Variants in WDPCP observed in about 807,000 individuals in gnomAD.
The protein encoded by WDPCP is WD repeat-containing and planar cell polarity effector protein fritz homolog.
WDPCP carries 71 observed loss-of-function variants against 93.1 expected under a neutral mutation model. That is an observed-to-expected ratio of 0.76 (90% CI 0.63 to 0.93). The LOEUF (loss-of-function observed/expected upper bound fraction) is 0.93, where lower values mean the gene tolerates loss of function less well. Among genes scored for constraint, WDPCP ranks in the 40% least tolerant of loss-of-function variants. The probability of loss-of-function intolerance (pLI) is 0.00; values close to 1 mark genes in which losing one functional copy is unlikely to be tolerated. For synonymous variants in WDPCP, 315 were observed against 315.0 expected, an observed-to-expected ratio of 1.00 and a Z score of 0.00; for missense variants, 844 against 887.4, an observed-to-expected ratio of 0.95 and a Z score of 0.62.
At chr2:63,275,975 C>T (rs1467490401) in intron 13 of WDPCP, among the ~76,000 whole-genome samples, 2 of 152,182 alleles carry the variant, frequency 1.3e-5, no homozygotes, top group African/African-American at 4.8e-5. Context: ...AACTTGATCA[C>T]CCTGCAGGCT....
At chr2:63,428,424 G>A (rs1194922337) in intron 9 of WDPCP, among the ~76,000 whole-genome samples, 1 of 152,194 alleles carries the variant, frequency 6.6e-6, no homozygotes, top group Non-Finnish European at 1.5e-5. Flanking sequence ...TGCAAGGTTG[G>A]TTCAACATAC....
intron 2 of WDPCP, among the ~76,000 whole-genome samples, chr2:63,786,700 C>T (rs1396621930): frequency 6.6e-6 from 1 of 152,156 alleles, no homozygotes; most frequent in Non-Finnish European, 1.5e-5. Context: ...GTAATACAGA[C>T]ATACGTAAAG....
chr2:63,434,865 T>C (rs1251767161), intron 8 of WDPCP, among the ~76,000 whole-genome samples: 1 of 152,130 alleles, frequency 6.6e-6, no homozygotes, highest in East Asian at 1.9e-4. Flanking sequence ...AATGCGATAA[T>C]GCCAGAGTGC....
chr2:63,539,852 G>A (rs1704579918), intron 1 of WDPCP, among the ~76,000 whole-genome samples: 1 of 152,090 alleles, frequency 6.6e-6, no homozygotes, highest in African/African-American at 2.4e-5. Flanking sequence ...TAGATAGATG[G>A]ATGAGTAGAT....
At chr2:63,308,221 T>A (rs570562720) in intron 13 of WDPCP, among the ~76,000 whole-genome samples, 2 of 152,210 alleles carry the variant, frequency 1.3e-5, no homozygotes, top group East Asian at 3.9e-4. Context: ...GTTAGAATGG[T>A]GATCATTAAA....
In WDPCP at chr2:63,437,713, T is replaced by C. The variant is rs1282932538; in HGVS notation, c.500-159A>G. The C allele has an allele frequency of 3.1e-5, 31 of 1,013,138 alleles. No homozygotes were observed. In the Middle Eastern group the frequency reaches 1.3e-3, roughly 43 times the overall value. The allele number at this position is 1,013,138 out of a possible 1,614,324, so 62.8% of individuals were successfully genotyped here. ...GCATTTTATAAAAATATTAAAGATA[T>C]TAGGAATAAACAATAATTGTCAATC... On this transcript the variant is annotated intron_variant, in intron 7 of 17. Coordinates refer to ENST00000272321, the MANE Select transcript of WDPCP (RefSeq NM_015910.7).
At chr2:63,332,045 G>A (rs1433513581) in intron 12 of WDPCP, among the ~76,000 whole-genome samples, 2 of 151,326 alleles carry the variant, frequency 1.3e-5, no homozygotes, top group African/African-American at 4.9e-5. Flanking sequence ...ATAAGTTCTT[G>A]TGTGGAGATG....
chr2:63,775,867 G>A (rs1670294273), intron 2 of WDPCP, among the ~76,000 whole-genome samples: 3 of 152,144 alleles, frequency 2.0e-5, no homozygotes, highest in African/African-American at 7.2e-5. Context: ...CTTACTGAAT[G>A]AGGATCTTAA....
chr2:63,811,297 T>C (rs1670859395), intron 2 of WDPCP, among the ~76,000 whole-genome samples: 1 of 152,218 alleles, frequency 6.6e-6, no homozygotes, highest in Non-Finnish European at 1.5e-5. Flanking sequence ...GCAAAGGTGA[T>C]GGGATGTCAC....
In WDPCP at chr2:63,174,857, G is replaced by A. The variant is rs1175251731; in HGVS notation, c.1916-25C>T. ...TCTGTTGAAAATGATTAATATGTGA[G>A]TGAAATACTAAGTACAATTTCTGCT... On this transcript the variant is annotated intron_variant, in intron 14 of 17. Transcript: ENST00000272321. 3 of 1,609,286 alleles carry A rather than the reference G, an allele frequency of 1.9e-6. No individual in the cohort carries two copies. The East Asian group carries it at 6.7e-5, about 36-fold the overall frequency.
intron 1 of WDPCP, among the ~76,000 whole-genome samples, chr2:63,508,146 G>C (rs1702000671): frequency 1.3e-5 from 2 of 152,078 alleles, no homozygotes; most frequent in South Asian, 4.1e-4. Context: ...GATTCACCAA[G>C]GTTGAAATGA....
At chr2:63,676,587 C>T (rs72806087) in intron 2 of WDPCP, among the ~76,000 whole-genome samples, 3,808 of 152,130 alleles carry the variant, frequency 0.025, 147 homozygotes, top group East Asian at 0.088. Flanking sequence ...AAAAAGGATA[C>T]ATATTACATG....
chr2:63,748,082 T>C (rs550901129), intron 2 of WDPCP, among the ~76,000 whole-genome samples: 35 of 151,760 alleles, frequency 2.3e-4, no homozygotes, highest in African/African-American at 8.2e-4. Flanking sequence ...AGAAATGAAA[T>C]AGAGTTTTAT....
At chr2:63,527,732 C>T (rs1703459239) in intron 1 of WDPCP, among the ~76,000 whole-genome samples, 2 of 151,928 alleles carry the variant, frequency 1.3e-5, no homozygotes, top group Non-Finnish European at 2.9e-5. Flanking sequence ...TGGGTATATG[C>T]CCAGTAATGG....
At chr2:63,431,262 A>T (rs530541884) in intron 9 of WDPCP, among the ~76,000 whole-genome samples, 1 of 152,132 alleles carries the variant, frequency 6.6e-6, no homozygotes, top group African/African-American at 2.4e-5. Context: ...CCCTCCAGAG[A>T]TTCTGATGTA....
intron 17 of WDPCP, among the ~76,000 whole-genome samples, chr2:63,147,979 A>C (rs557916778): frequency 7.9e-5 from 12 of 151,984 alleles, no homozygotes; most frequent in South Asian, 6.2e-4. Context: ...AAAAAAAAAA[A>C]AAAAAAAAAC....
At chr2:63,149,218 G>C (rs1024443933) in intron 17 of WDPCP, among the ~76,000 whole-genome samples, 2 of 152,064 alleles carry the variant, frequency 1.3e-5, no homozygotes, top group Admixed American at 1.3e-4. Flanking sequence ...ATAGGAATAG[G>C]CATTTCAAGG....
At chr2:63,424,973 C>T (rs1696157145) in intron 9 of WDPCP, among the ~76,000 whole-genome samples, 1 of 152,194 alleles carries the variant, frequency 6.6e-6, no homozygotes, top group Non-Finnish European at 1.5e-5. Flanking sequence ...ATACAAGAGC[C>T]ACGTGGCTAA....
At chr2:63,837,339 T>C in the WDPCP span, among the ~76,000 whole-genome samples, 2 of 152,250 alleles carry the variant, frequency 1.3e-5, no homozygotes, top group Non-Finnish European at 2.9e-5. Context: ...TACTGGCAAC[T>C]GCTGACTGAG....
Sources: allele counts gnomAD v4.1 joint callset (sites outside exome capture counted in the v4.1 genomes callset), GRCh38; gene constraint gnomAD v4.1.1; transcripts MANE v1.5; gene names NCBI Gene and HGNC (gene_info 2026-07-23, HGNC 2026-07-21).